Variants in PTPRK observed in about 807,000 individuals in gnomAD.
The protein encoded by PTPRK is protein tyrosine phosphatase receptor type K.
Under a neutral mutation model 178.0 loss-of-function variants are expected in PTPRK, and 75 were observed. The observed-to-expected ratio is 0.42, with a 90% CI of 0.35 to 0.51. The LOEUF is 0.51. PTPRK is among the 20% of genes least tolerant of loss of function. The pLI is 0.02. For synonymous variants in PTPRK, 637 were observed against 620.6 expected (o/e 1.03, Z -0.39); for missense variants, 1,441 against 1,797.8 (o/e 0.80, Z 3.59).
intron 3 of PTPRK, among the ~76,000 whole-genome samples, chr6:128,246,556 A>T (rs1044342215): frequency 2.0e-5 from 3 of 152,218 alleles, no homozygotes; most frequent in African/African-American, 7.2e-5. Context: ...ACTGCTAAAG[A>T]TCTAATCAGC....
intron 7 of PTPRK, among the ~76,000 whole-genome samples, chr6:128,122,238 CA>C (rs1314320746): frequency 1.3e-5 from 2 of 151,978 alleles, no homozygotes. Context: ...GATAAAATAG[CA>C]CATGTGTGCA....
intron 7 of PTPRK, among the ~76,000 whole-genome samples, chr6:128,093,596 C>CAAAAAAAAAAAAAAAAAAAAA (rs1172145765): frequency 1.6e-4 from 1 of 6,276 alleles, no homozygotes; most frequent in Non-Finnish European, 3.1e-4. Context: ...GACTCTCTCT[C>CAAAAAAAAAAAAAAAAAAAAA]AAAAAAAAAA....
At chr6:128,039,493 A>T (rs1776802439) in intron 13 of PTPRK, among the ~76,000 whole-genome samples, 1 of 152,186 alleles carries the variant, frequency 6.6e-6, no homozygotes, top group African/African-American at 2.4e-5. Flanking sequence ...AAAACACAAC[A>T]TTGGATTAGT....
chr6:128,180,546 C>A (rs1801747162), intron 7 of PTPRK, among the ~76,000 whole-genome samples: 1 of 151,932 alleles, frequency 6.6e-6, no homozygotes, highest in South Asian at 2.1e-4. Context: ...AGTCAGAGAC[C>A]CTGAAGCAAC....
At chr6:128,380,158 G>GA (rs941131572) in intron 2 of PTPRK, among the ~76,000 whole-genome samples, 6 of 151,688 alleles carry the variant, frequency 4.0e-5, no homozygotes, top group African/African-American at 1.5e-4. Context: ...ATCAATAACA[G>GA]AAAAAACCTA....
intron 1 of PTPRK, among the ~76,000 whole-genome samples, chr6:128,452,555 C>G (rs1193106426): frequency 1.3e-5 from 2 of 152,060 alleles, no homozygotes; most frequent in South Asian, 4.1e-4. Context: ...TGAGGCAAAC[C>G]ATGCAAGACA....
chr6:128,250,020 C>T (rs1443459673), intron 3 of PTPRK, among the ~76,000 whole-genome samples: 1 of 152,146 alleles, frequency 6.6e-6, no homozygotes, highest in Non-Finnish European at 1.5e-5. Flanking sequence ...GTGAATAAGT[C>T]TCACGAGATC....
chr6:128,141,031 C>T (rs1795700731), intron 7 of PTPRK, among the ~76,000 whole-genome samples: 1 of 151,938 alleles, frequency 6.6e-6, no homozygotes, highest in Non-Finnish European at 1.5e-5. Flanking sequence ...CACCTTTACA[C>T]ATAATGAATT....
At chr6:128,054,331 C>T (rs187498808) in intron 13 of PTPRK, among the ~76,000 whole-genome samples, 9 of 152,282 alleles carry the variant, frequency 5.9e-5, no homozygotes, top group Middle Eastern at 6.8e-3. Context: ...CTTCTCTTAG[C>T]TTCTCCACCA....
At chr6:128,516,221 G>T (rs1857994198) in intron 1 of PTPRK, among the ~76,000 whole-genome samples, 1 of 152,094 alleles carries the variant, frequency 6.6e-6, no homozygotes. Context: ...CAGAGGGGTT[G>T]ATTTATTTTT....
rs141788769 is a variant in PTPRK, at chr6:128,488,844, T to G, written c.100+31415A>C. On this transcript the variant is annotated intron_variant, in intron 1 of 29. Transcript: ENST00000368226. ...AATTCTTAAAAGTAAATTTCAACTA[T>G]GAAGAAAATGCAATAAATACTTTTT... Among the ~76,000 whole-genome samples the G allele has an allele frequency of 1.1e-4, 16 of 152,132 alleles. No homozygotes were observed. The East Asian group carries it at 3.1e-3, about 29-fold the overall frequency.
At chr6:128,434,123 C>T (rs1037731906) in intron 1 of PTPRK, among the ~76,000 whole-genome samples, 22 of 151,904 alleles carry the variant, frequency 1.4e-4, no homozygotes, top group Non-Finnish European at 2.2e-4. Context: ...TAAAATTACT[C>T]CTGCAGGAAG....
chr6:128,123,593 C>G (rs1324037325), intron 7 of PTPRK, among the ~76,000 whole-genome samples: 1 of 152,028 alleles, frequency 6.6e-6, no homozygotes, highest in South Asian at 2.1e-4. Flanking sequence ...ATTAATGAAC[C>G]AATATTGGTA....
chr6:128,364,728 T>C (rs1835249011), intron 2 of PTPRK, among the ~76,000 whole-genome samples: 1 of 152,082 alleles, frequency 6.6e-6, no homozygotes. Context: ...ATTTCACATA[T>C]ATAAACACAG....
intron 18 of PTPRK, among the ~76,000 whole-genome samples, chr6:127,994,716 T>C (rs182093465): frequency 5.9e-5 from 9 of 152,040 alleles, no homozygotes; most frequent in South Asian, 2.1e-4. Flanking sequence ...CAGTGAAATA[T>C]ATGATCAAAG....
At chr6:128,329,114 G>A (rs1283249462) in intron 2 of PTPRK, among the ~76,000 whole-genome samples, 1 of 152,152 alleles carries the variant, frequency 6.6e-6, no homozygotes, top group Non-Finnish European at 1.5e-5. Context: ...ATCACATGTA[G>A]AGAACCCTAT....
At chr6:128,017,729 C>CTA (rs1465985698) in intron 13 of PTPRK, among the ~76,000 whole-genome samples, 4 of 139,896 alleles carry the variant, frequency 2.9e-5, no homozygotes, top group South Asian at 2.2e-4. Flanking sequence ...CTCTCTCTCT[C>CTA]TATATATATA....
chr6:128,248,954 T>C (rs1309527542), intron 3 of PTPRK, among the ~76,000 whole-genome samples: 2 of 152,164 alleles, frequency 1.3e-5, no homozygotes, highest in South Asian at 2.1e-4. Context: ...ACTGTTAGTG[T>C]GAAACAGGAT....
intron 13 of PTPRK, among the ~76,000 whole-genome samples, chr6:128,010,658 T>A (rs1052972652): frequency 6.6e-6 from 1 of 151,316 alleles, no homozygotes; most frequent in African/African-American, 2.4e-5. Flanking sequence ...TATAAAATGG[T>A]AATTTAAAGC....
Sources: allele counts gnomAD v4.1 joint callset (sites outside exome capture counted in the v4.1 genomes callset), GRCh38; gene constraint gnomAD v4.1.1; transcripts MANE v1.5; gene names NCBI Gene and HGNC (gene_info 2026-07-23, HGNC 2026-07-21).